The following WT1 variants were observed in gnomAD, a reference collection of about 807,000 sequenced individuals.
WT1 encodes Wilms tumor protein.
Under a neutral mutation model 60.8 loss-of-function variants are expected in WT1, and 8 were observed. The ratio of observed to expected loss-of-function variants is 0.13; its 90% CI spans 0.08 to 0.24. The LOEUF (loss-of-function observed/expected upper bound fraction) is 0.24, where lower values mean the gene tolerates loss of function less well. Ranked by LOEUF, WT1 falls within the 10% of genes least tolerant of loss-of-function variation. The pLI is 1.00. For synonymous variants in WT1, 312 were observed against 297.1 expected, an observed-to-expected ratio of 1.05 and a Z score of -0.52; for missense variants, 568 against 711.8, an observed-to-expected ratio of 0.80 and a Z score of 2.30.
At chr11:32,402,096 C>A (rs763615090) in intron 5 of WT1, among the ~76,000 whole-genome samples, 1 of 152,002 alleles carries the variant, frequency 6.6e-6, no homozygotes, top group Non-Finnish European at 1.5e-5. Context: ...GTCCACACCC[C>A]CTAGGGCCAC....
chr11:32,397,095 C>T (rs1473180321), intron 6 of WT1, among the ~76,000 whole-genome samples: 1 of 152,198 alleles, frequency 6.6e-6, no homozygotes, highest in African/African-American at 2.4e-5. Context: ...TGTTGCTCCC[C>T]TTTATCTTGT....
chr11:32,391,109 C>A (rs1349405324), intron 9 of WT1, among the ~76,000 whole-genome samples: 2 of 152,044 alleles, frequency 1.3e-5, no homozygotes, highest in Non-Finnish European at 2.9e-5. Flanking sequence ...CAGCCTCCCC[C>A]AAATAGCTGG....
intron 7 of WT1, among the ~76,000 whole-genome samples, chr11:32,395,007 C>G (rs1851925185): frequency 6.6e-6 from 1 of 152,234 alleles, no homozygotes; most frequent in Admixed American, 6.5e-5. Flanking sequence ...TGTGTAAAAA[C>G]ATAACATGCC....
At chr11:32,428,115 GGCTGC>G (rs1853124927) in intron 2 of WT1, 57 bp from the exon 3 acceptor site, 1 of 1,478,092 alleles carries the variant, frequency 6.8e-7, no homozygotes, top group African/African-American at 1.4e-5. Flanking sequence ...CGGGGTGCGA[GGCTGC>G]GGGCAGGGGT....
chr11:32,411,518 C>T (rs1852498117), intron 5 of WT1, among the ~76,000 whole-genome samples: 1 of 152,140 alleles, frequency 6.6e-6, no homozygotes. Context: ...TGTGCAACAT[C>T]ATTATCATCA....
At chr11:32,425,798 C>T (rs1022639774) in intron 3 of WT1, among the ~76,000 whole-genome samples, 4 of 152,044 alleles carry the variant, frequency 2.6e-5, no homozygotes, top group Admixed American at 6.6e-5. Flanking sequence ...AAAGAAAGTT[C>T]CTCAATTATA....
rs1851720799 is a variant in WT1 at position 32,388,368 on chromosome 11, A to T, written c.*690T>A. ...AAATCTCAGATCTTCATAGTTTCTT[A>T]AGAGCAGTGTGCCAGTGTTCACATT... is the stretch of plus-strand genomic sequence containing the variant. On this transcript the variant is annotated 3_prime_UTR_variant, in exon 10 of 10. Coordinates refer to ENST00000452863, the MANE Select transcript of WT1 (RefSeq NM_024426.6). The T allele has an allele frequency of 4.3e-6, 1 of 233,654 alleles. No individual in the cohort carries two copies. The highest frequency in any genetic ancestry group is 8.5e-6 in the Non-Finnish European group (1 of 118,300). The allele number at this position is 233,654 out of a possible 1,614,324, so 14.5% of individuals were successfully genotyped here. A position where few individuals can be genotyped will look rare whatever the true frequency, so the allele number is the denominator to read the frequency against.
At chr11:32,406,413 T>C (rs1852310608) in intron 5 of WT1, among the ~76,000 whole-genome samples, 1 of 152,088 alleles carries the variant, frequency 6.6e-6, no homozygotes, top group Admixed American at 6.6e-5. Flanking sequence ...AGGCAGTAAT[T>C]CGAGGGATGG....
intron 5 of WT1, among the ~76,000 whole-genome samples, chr11:32,414,440 T>A (rs1852600701): frequency 6.6e-6 from 1 of 152,060 alleles, no homozygotes; most frequent in Non-Finnish European, 1.5e-5. Context: ...GTCTGGCTAA[T>A]TTTTTTGTAT....
intron 4 of WT1, among the ~76,000 whole-genome samples, chr11:32,417,222 C>T (rs1279818874): frequency 6.6e-6 from 1 of 152,138 alleles, no homozygotes; most frequent in Non-Finnish European, 1.5e-5. Flanking sequence ...TTTGCACACC[C>T]AAAGCACTTC....
chr11:32,389,531 C>T (rs993047664), intron 9 of WT1, among the ~76,000 whole-genome samples: 16 of 152,154 alleles, frequency 1.1e-4, no homozygotes, highest in African/African-American at 3.9e-4. Flanking sequence ...GTGTAAATTT[C>T]TCCCCCTTGT....
chr11:32,392,571 ACT>A lies in WT1; in HGVS notation c.1354+93_1354+94del, dbSNP rs1279518000. 1.8e-5 allele frequency: 22 copies of A among 1,192,604 alleles called. No individual in the cohort carries two copies. In the East Asian group the frequency reaches 4.7e-4, roughly 26 times the overall value. 73.9% of individuals were successfully genotyped at this position (1,192,604 alleles called of 1,614,324 possible). ...ACTGGAAAAACTAAACACATGGCTG[ACT>A]CTCTCATTCATATTCAACAACAAAG... On this transcript the variant is annotated intron_variant, in intron 8 of 9. Coordinates refer to ENST00000452863, the MANE Select transcript of WT1 (RefSeq NM_024426.6).
At chr11:32,410,065 G>T (rs1033730933) in intron 5 of WT1, among the ~76,000 whole-genome samples, 2 of 152,112 alleles carry the variant, frequency 1.3e-5, no homozygotes, top group African/African-American at 4.8e-5. Context: ...CGAGCAGCTG[G>T]GATTACAGGT....
At chr11:32,409,116 C>A (rs1852415756) in intron 5 of WT1, among the ~76,000 whole-genome samples, 1 of 152,170 alleles carries the variant, frequency 6.6e-6, no homozygotes, top group African/African-American at 2.4e-5. Flanking sequence ...ACTGGATTAT[C>A]CACATTCAGA....
At chr11:32,421,199 C>T (rs2133049306) in intron 3 of WT1, among the ~76,000 whole-genome samples, 1 of 152,286 alleles carries the variant, frequency 6.6e-6, no homozygotes, top group African/African-American at 2.4e-5. Flanking sequence ...GGCAATCGCT[C>T]AACACCCAGC....
At chr11:32,390,368 A>C (rs1385394241) in intron 9 of WT1, among the ~76,000 whole-genome samples, 1 of 152,126 alleles carries the variant, frequency 6.6e-6, no homozygotes, top group African/African-American at 2.4e-5. Flanking sequence ...AGGTCATGTC[A>C]CACTTACTTG....
intron 1 of WT1, among the ~76,000 whole-genome samples, chr11:32,432,408 C>T (rs1024654631): frequency 6.6e-6 from 1 of 152,210 alleles, no homozygotes; most frequent in African/African-American, 2.4e-5. Context: ...CCCAGAATCT[C>T]GAGGGCCACC....
intron 3 of WT1, among the ~76,000 whole-genome samples, chr11:32,424,814 T>C (rs1852972597): frequency 6.6e-6 from 1 of 152,184 alleles, no homozygotes; most frequent in African/African-American, 2.4e-5. Flanking sequence ...CTCCACACTG[T>C]ATTTTGCTTA....
At chr11:32,433,264 T>C (rs1414490231) in intron 1 of WT1, among the ~76,000 whole-genome samples, 2 of 152,198 alleles carry the variant, frequency 1.3e-5, no homozygotes, top group Non-Finnish European at 2.9e-5. Context: ...ACTAAAAGCA[T>C]AGAGTGGAGG....
Sources: gnomAD v4.1 joint callset for allele counts (sites outside exome capture counted in the v4.1 genomes callset) on GRCh38, gnomAD v4.1.1 for gene constraint, MANE v1.5 for transcripts, NCBI Gene and HGNC (gene_info 2026-07-23, HGNC 2026-07-21) for gene names.